Variants in SAMSN1 observed in about 807,000 individuals in gnomAD.
SAMSN1 encodes SAM domain-containing protein SAMSN-1.
SAMSN1 carries 31 observed loss-of-function variants against 42.0 expected under a neutral mutation model. The observed-to-expected ratio is 0.74, with a 90% CI of 0.55 to 1.00. SAMSN1 has a LOEUF of 1.00. SAMSN1 is among the 50% of genes least tolerant of loss of function. SAMSN1 has a pLI of 0.00. For missense variants in SAMSN1, 464 were observed against 439.4 expected (o/e 1.06, Z -0.50); for synonymous variants, 178 against 151.9 (o/e 1.17, Z -1.26).
intron 2 of SAMSN1, among the ~76,000 whole-genome samples, chr21:14,552,271 G>A (rs1214099935): frequency 3.9e-5 from 6 of 152,074 alleles, no homozygotes; most frequent in East Asian, 1.9e-4. Flanking sequence ...GGTAATCAGA[G>A]TAGAAGCACA....
rs761418886 is a variant in SAMSN1, at chr21:14,500,567, T to C, written c.730A>G (p.Lys244Glu). ...ANRRSNSKKS[K>E]TLQEFLERIH... ...CTCTCTAGGAACTCCTGCAGAGTCT[T>C]GGATTTTTTGCTGTTACTCCTTCGG... is the stretch of plus-strand genomic sequence containing the variant. The change falls in exon 6 of 8, where the codon AAG becomes GAG. Residue 244 changes from lysine to glutamate, a missense_variant. Physicochemically the swap from Lys to Glu is moderately conservative, Grantham distance 56 (BLOSUM62 1). Transcript: ENST00000400566. 2 of 1,614,168 alleles carry C rather than the reference T, an allele frequency of 1.2e-6. No homozygotes were observed. The highest frequency in any genetic ancestry group is 1.1e-5 in the South Asian group (1 of 91,082).
chr21:14,555,926 G>A (rs192043531), intron 2 of SAMSN1, among the ~76,000 whole-genome samples: 41 of 152,186 alleles, frequency 2.7e-4, no homozygotes, highest in African/African-American at 9.1e-4. Flanking sequence ...AGTACACCTC[G>A]TGTATAATAT....
intron 1 of SAMSN1, 55 bp from the exon 2 acceptor site, chr21:14,521,276 A>C (rs930294585): frequency 8.6e-6 from 10 of 1,159,162 alleles, no homozygotes; most frequent in Non-Finnish European, 1.3e-5. Flanking sequence ...TTCACTGTCC[A>C]AACTGATAAG....
chr21:14,560,108 C>T (rs957167632), intron 2 of SAMSN1, among the ~76,000 whole-genome samples: 1 of 152,106 alleles, frequency 6.6e-6, no homozygotes, highest in Non-Finnish European at 1.5e-5. Context: ...CTGTATCAAT[C>T]TGAGGTGTAA....
chr21:14,634,846 G>A (rs1271398904), intron 2 of SAMSN1, among the ~76,000 whole-genome samples: 1 of 152,122 alleles, frequency 6.6e-6, no homozygotes, highest in Non-Finnish European at 1.5e-5. Flanking sequence ...ATACCCAAAG[G>A]AATATAAATC....
intron 2 of SAMSN1, among the ~76,000 whole-genome samples, chr21:14,517,777 A>T (rs1987982210): frequency 6.6e-6 from 1 of 152,144 alleles, no homozygotes; most frequent in African/African-American, 2.4e-5. Flanking sequence ...TCTATATGTC[A>T]TAACATAAAA....
chr21:14,514,628 AAG>A (rs1205767438), intron 3 of SAMSN1, among the ~76,000 whole-genome samples: 1 of 152,196 alleles, frequency 6.6e-6, no homozygotes, highest in Non-Finnish European at 1.5e-5. Context: ...AAGTGAGAAA[AAG>A]AAGGAATTTA....
chr21:14,635,468 A>G (rs1423138083), intron 2 of SAMSN1, among the ~76,000 whole-genome samples: 1 of 152,198 alleles, frequency 6.6e-6, no homozygotes, highest in African/African-American at 2.4e-5. Context: ...TGAGTTGTCA[A>G]ACACTCCACT....
intron 1 of SAMSN1, among the ~76,000 whole-genome samples, chr21:14,646,488 G>A (rs959607918): frequency 9.9e-5 from 15 of 152,108 alleles, no homozygotes; most frequent in Admixed American, 7.2e-4. Context: ...TTTCAAGAAC[G>A]CCAGGTCAGT....
At chr21:14,559,022 G>T (rs987998957) in intron 2 of SAMSN1, among the ~76,000 whole-genome samples, 2 of 152,090 alleles carry the variant, frequency 1.3e-5, no homozygotes, top group Non-Finnish European at 2.9e-5. Flanking sequence ...CCCATTGAAA[G>T]AAATTATGTC....
chr21:14,533,409 A>G (rs535337639), intron 1 of SAMSN1, among the ~76,000 whole-genome samples: 17 of 152,340 alleles, frequency 1.1e-4, no homozygotes, highest in African/African-American at 4.1e-4. Flanking sequence ...TGTTAAAACT[A>G]TAAAAAATAT....
At chr21:14,557,635 C>A (rs1239030513) in intron 2 of SAMSN1, among the ~76,000 whole-genome samples, 1 of 152,194 alleles carries the variant, frequency 6.6e-6, no homozygotes, top group Non-Finnish European at 1.5e-5. Context: ...GGGGAATTCA[C>A]TTCTGCTTTC....
At chr21:14,633,990 C>G (rs1983398419) in intron 2 of SAMSN1, among the ~76,000 whole-genome samples, 1 of 151,980 alleles carries the variant, frequency 6.6e-6, no homozygotes, top group Non-Finnish European at 1.5e-5. Context: ...TGCTTTTTAT[C>G]AGTACAAAAT....
At chr21:14,566,041 G>T (rs1981106313) in intron 2 of SAMSN1, among the ~76,000 whole-genome samples, 1 of 152,112 alleles carries the variant, frequency 6.6e-6, no homozygotes, top group African/African-American at 2.4e-5. Context: ...TTCGTTATTA[G>T]TAAAGACATA....
intron 2 of SAMSN1, among the ~76,000 whole-genome samples, chr21:14,627,710 A>G (rs1446073779): frequency 6.6e-6 from 1 of 152,234 alleles, no homozygotes; most frequent in Non-Finnish European, 1.5e-5. Context: ...TAAATGTACT[A>G]AATTGAACTA....
At chr21:14,587,574 A>G (rs939332146), upstream of SAMSN1, among the ~76,000 whole-genome samples, 12 of 152,098 alleles carry the variant, frequency 7.9e-5, no homozygotes, top group African/African-American at 2.4e-4. Flanking sequence ...TTTATCTGAT[A>G]TCACCACCAT....
intron 2 of SAMSN1, among the ~76,000 whole-genome samples, chr21:14,581,483 C>A (rs543687870): frequency 6.7e-6 from 1 of 148,792 alleles, no homozygotes; most frequent in East Asian, 2.0e-4. Context: ...CTCAGCCTCC[C>A]GAGTAGCTGG....
intron 7 of SAMSN1, chr21:14,496,428 T>A (rs1376505927): frequency 2.0e-5 from 3 of 152,186 alleles, no homozygotes; most frequent in Non-Finnish European, 2.9e-5. Context: ...AAGCAATCAT[T>A]TACAAGTGTT....
At chr21:14,555,279 A>G (rs972475892) in intron 2 of SAMSN1, among the ~76,000 whole-genome samples, 5 of 152,086 alleles carry the variant, frequency 3.3e-5, no homozygotes, top group African/African-American at 4.8e-5. Context: ...CATCCTTTCT[A>G]TCCTTCTCCC....
Sources: gnomAD v4.1 joint callset for allele counts (sites outside exome capture counted in the v4.1 genomes callset) on GRCh38, gnomAD v4.1.1 for gene constraint, MANE v1.5 for transcripts, NCBI Gene and HGNC (gene_info 2026-07-23, HGNC 2026-07-21) for gene names.